EPB41L5: variants seen among roughly 807,000 people sequenced by gnomAD.
The protein encoded by EPB41L5 is band 4.1-like protein 5.
Under a neutral mutation model 106.6 loss-of-function variants are expected in EPB41L5, and 55 were observed. The ratio of observed to expected loss-of-function variants is 0.52; its 90% CI spans 0.42 to 0.65. EPB41L5 has a LOEUF of 0.65. EPB41L5 is among the 30% of genes least tolerant of loss of function. The pLI is 0.00. For synonymous variants in EPB41L5, 297 were observed against 306.7 expected, an observed-to-expected ratio of 0.97 and a Z score of 0.33; for missense variants, 871 against 882.1, an observed-to-expected ratio of 0.99 and a Z score of 0.16.
At chr2:120,118,373 C>G (rs1346596252) in intron 16 of EPB41L5, among the ~76,000 whole-genome samples, 1 of 152,074 alleles carries the variant, frequency 6.6e-6, no homozygotes, top group Non-Finnish European at 1.5e-5. Flanking sequence ...TTATTTTAAG[C>G]TCAGGGGTAC....
At chr2:120,170,224 T>C (rs1336544603) in intron 24 of EPB41L5, among the ~76,000 whole-genome samples, 1 of 152,232 alleles carries the variant, frequency 6.6e-6, no homozygotes, top group African/African-American at 2.4e-5. Context: ...ATAAACATAA[T>C]TGTATTAATT....
intron 24 of EPB41L5, among the ~76,000 whole-genome samples, chr2:120,173,469 T>G (rs1687779659): frequency 1.3e-5 from 2 of 152,104 alleles, no homozygotes; most frequent in South Asian, 4.1e-4. Flanking sequence ...TCTAAGAATT[T>G]GCATTTCTCC....
At chr2:120,091,464 T>C in intron 12 of EPB41L5, 91 bp from the exon 13 acceptor site, 1 of 834,876 alleles carries the variant, frequency 1.2e-6, no homozygotes, top group Non-Finnish European at 2.0e-6. Flanking sequence ...GATGATTCTT[T>C]TAAGGAGAAC....
rs561099574 is a variant in EPB41L5 at position 120,045,271 on chromosome 2, T to C, written c.285+3161T>C. 3.9e-5 allele frequency among the ~76,000 whole-genome samples: 6 copies of C among 152,348 alleles called. No individual in the cohort carries two copies. The East Asian group carries it at 9.6e-4, about 24-fold the overall frequency. ...TGAAGCCAAAGTTCACTTTTCTTCT[T>C]ATATAGACATATAATCTGAGCCCTG... On this transcript the variant is annotated intron_variant, in intron 3 of 24. Coordinates refer to ENST00000263713, the MANE Select transcript of EPB41L5 (RefSeq NM_020909.4).
chr2:120,130,137 C>T (rs1257896975), intron 17 of EPB41L5, among the ~76,000 whole-genome samples: 1 of 126,736 alleles, frequency 7.9e-6, no homozygotes, highest in Non-Finnish European at 1.7e-5. Flanking sequence ...GAGTGAGACT[C>T]CATCTCAAAA....
chr2:120,133,122 T>C lies in EPB41L5; in HGVS notation c.1599+1407T>C, dbSNP rs1021395625. Among the ~76,000 whole-genome samples, 41 of 151,994 alleles carry C rather than the reference T, an allele frequency of 2.7e-4. 1 individual carries two copies. The highest frequency in any genetic ancestry group is 8.0e-4 in the African/African-American group (33 of 41,348). On this transcript the variant is annotated intron_variant, in intron 18 of 24. Transcript: ENST00000263713. ...ATCAAAGAACTTTTAGGGGATCATA[T>C]AGCTAGGAAGAATAACAATATTTAG...
At chr2:120,045,823 C>G (rs982056890) in intron 3 of EPB41L5, among the ~76,000 whole-genome samples, 6 of 151,810 alleles carry the variant, frequency 4.0e-5, no homozygotes, top group African/African-American at 1.5e-4. Flanking sequence ...CCGTCCCCCC[C>G]TCAATGACAG....
At position 120,164,800 on chromosome 2, in the gene EPB41L5, GGTCATTTAACAATTCTAGATTCCT is replaced by G; in HGVS notation, c.1888-32_1888-9del. 1 of 1,448,062 alleles carries G rather than the reference GGTCATTTAACAATTCTAGATTCCT, an allele frequency of 6.9e-7. No individual in the cohort carries two copies. Among genetic ancestry groups the G allele is most frequent in the Non-Finnish European group, 9.6e-7 (1 of 1,042,418 alleles). The allele number at this position is 1,448,062 out of a possible 1,614,324, so 89.7% of individuals were successfully genotyped here. On this transcript the variant is annotated splice_polypyrimidine_tract_variant and intron_variant, in intron 21 of 24. Transcript: ENST00000263713. ...AAAACTTAACATCTGATGATAAAGG[GGTCATTTAACAATTCTAGATTCCT>G]GTCTTCCATAGGAAGCTACAGATGA...
At chr2:120,034,488 T>G (rs944635735) in intron 2 of EPB41L5, among the ~76,000 whole-genome samples, 1 of 152,216 alleles carries the variant, frequency 6.6e-6, no homozygotes, top group African/African-American at 2.4e-5. Context: ...TGTGGCTTTC[T>G]GCTGTAGTGT....
intron 16 of EPB41L5, 55 bp from the exon 17 acceptor site, chr2:120,127,633 T>A: frequency 1.4e-6 from 2 of 1,471,840 alleles, no homozygotes; most frequent in Non-Finnish European, 1.9e-6. Flanking sequence ...GAGTAGTGTT[T>A]TAATTTTTCA....
chr2:120,013,417 G>A (rs1677277145), intron 1 of EPB41L5: 1 of 152,078 alleles, frequency 6.6e-6, no homozygotes, highest in South Asian at 2.1e-4. Context: ...GGCGGCCAAT[G>A]AGGCAGGGCC....
chr2:120,095,553 AT>A (rs5833815), intron 14 of EPB41L5, among the ~76,000 whole-genome samples: 71 of 141,938 alleles, frequency 5.0e-4, no homozygotes, highest in South Asian at 6.6e-4. Context: ...AAGCTTACTG[AT>A]TTTTTTTTTT....
Position 120,112,939 on chromosome 2 carries a change from C to G in EPB41L5, c.1337+12125C>G, listed in dbSNP as rs78136935. 6.0e-3 allele frequency among the ~76,000 whole-genome samples: 907 copies of G among 152,268 alleles called. 10 individuals are homozygous for G. The highest frequency in any genetic ancestry group is 0.041 in the South Asian group (198 of 4,816). On this transcript the variant is annotated intron_variant, in intron 16 of 24. Transcript: ENST00000263713. The stretch of plus-strand genomic sequence containing the variant: ...ACTCAAGACAGCTTAGTCCTAGAAC[C>G]CAGCCTTGGCTACTGTACTGCCTCC...
chr2:120,057,161 A>G (rs1386596726), intron 3 of EPB41L5, among the ~76,000 whole-genome samples: 2 of 152,126 alleles, frequency 1.3e-5, no homozygotes, highest in Admixed American at 6.5e-5. Flanking sequence ...AAGTGCTGGG[A>G]TTACAAGTGT....
chr2:120,147,548 C>G (rs553926693), intron 20 of EPB41L5, among the ~76,000 whole-genome samples: 1 of 151,114 alleles, frequency 6.6e-6, no homozygotes, highest in African/African-American at 2.4e-5. Context: ...TTGCTTGAAC[C>G]CAGGAGGCAG....
chr2:120,041,547 C>T (rs924803883), intron 2 of EPB41L5, among the ~76,000 whole-genome samples: 13 of 152,174 alleles, frequency 8.5e-5, no homozygotes, highest in African/African-American at 3.1e-4. Flanking sequence ...TCTTCTGCAT[C>T]AAGCCTTCAT....
chr2:120,034,411 C>G (rs906907695), intron 2 of EPB41L5, among the ~76,000 whole-genome samples: 1 of 152,044 alleles, frequency 6.6e-6, no homozygotes, highest in South Asian at 2.1e-4. Context: ...TAGAGCTATG[C>G]CTTAGAATGA....
intron 2 of EPB41L5, among the ~76,000 whole-genome samples, chr2:120,021,375 T>C (rs1677915602): frequency 6.6e-6 from 1 of 151,470 alleles, no homozygotes; most frequent in Admixed American, 6.6e-5. Flanking sequence ...CCAGGTGCAG[T>C]GGCTCACGCC....
intron 24 of EPB41L5, among the ~76,000 whole-genome samples, chr2:120,173,655 T>A (rs1196529963): frequency 6.6e-6 from 1 of 152,256 alleles, no homozygotes; most frequent in Non-Finnish European, 1.5e-5. Context: ...TTATGTCCTT[T>A]GTATTATGTA....
Sources: allele counts gnomAD v4.1 joint callset (sites outside exome capture counted in the v4.1 genomes callset), GRCh38; gene constraint gnomAD v4.1.1; transcripts MANE v1.5; gene names NCBI Gene and HGNC (gene_info 2026-07-23, HGNC 2026-07-21).